The following BRIP1 variants were observed in gnomAD, a reference collection of about 807,000 sequenced individuals.
BRIP1 encodes Fanconi anemia group J protein.
In BRIP1, 88 loss-of-function variants were observed where a neutral mutation model predicts 119.7. The observed-to-expected ratio is 0.74, with a 90% CI of 0.62 to 0.88. BRIP1 has a LOEUF of 0.88. BRIP1 is among the 40% of genes least tolerant of loss of function. BRIP1 has a pLI of 0.00. For synonymous variants in BRIP1, 443 were observed against 496.5 expected, an observed-to-expected ratio of 0.89 and a Z score of 1.43; for missense variants, 1,259 against 1,455.4, an observed-to-expected ratio of 0.87 and a Z score of 2.20.
At position 61,796,478 on chromosome 17, in the gene BRIP1, T is replaced by C. The variant is rs2077901413; in HGVS notation, c.1340+2622A>G. 6.6e-6 allele frequency among the ~76,000 whole-genome samples: 1 copy of C among 152,070 alleles called. No homozygotes were observed. The highest frequency in any genetic ancestry group is 2.4e-5 in the African/African-American group (1 of 41,422). ...TGTTTTATTCTCCTGTAGATGGATA[T>C]CCAGTTTTCCCGGCACCATTTATTG... is the stretch of plus-strand genomic sequence containing the variant. On this transcript the variant is annotated intron_variant, in intron 9 of 19. Transcript: ENST00000259008. This position sits in a 1 kb window ranked among gnomAD's most constrained non-coding sequence, Gnocchi z 4.8.
chr17:61,683,172 T>G lies in BRIP1; in HGVS notation c.*124A>C. 8.5e-7 allele frequency: 1 copy of G among 1,179,940 alleles called. No individual in the cohort carries two copies. Among genetic ancestry groups the G allele is most frequent in the Non-Finnish European group, 1.2e-6 (1 of 834,726 alleles). 73.1% of individuals were successfully genotyped at this position (1,179,940 alleles called of 1,614,324 possible). A position where few individuals can be genotyped will look rare whatever the true frequency, so the allele number is the denominator to read the frequency against. On this transcript the variant is annotated 3_prime_UTR_variant, in exon 20 of 20. Transcript: ENST00000259008. The surrounding 1 kb of genome is among the most constrained non-coding windows in gnomAD (Gnocchi z 4.7). ...AAACTCAAGAATAATAACATTTACA[T>G]TTCTGAACATAAAATAGTTTTTTAA...
rs934033835 is a variant in BRIP1, at chr17:61,769,599, G to A, written c.2097+6802C>T. On this transcript the variant is annotated intron_variant, in intron 14 of 19. Transcript: ENST00000259008. The surrounding 1 kb of genome is among the most constrained non-coding windows in gnomAD (Gnocchi z 4.9). Reference sequence around the variant, plus strand: ...AAATTTATTTTTGCCAATTTTATTGGACTTCTGATTTCAGCTCCAATATGT... The same window carrying A: ...AAATTTATTTTTGCCAATTTTATTGAACTTCTGATTTCAGCTCCAATATGT... Among the ~76,000 whole-genome samples, 2 of 152,024 alleles carry A rather than the reference G, an allele frequency of 1.3e-5. No individual in the cohort carries two copies. Among genetic ancestry groups the A allele is most frequent in the African/African-American group, 4.8e-5 (2 of 41,400 alleles).
chr17:61,765,906 CCTA>C (rs1041736904), intron 14 of BRIP1, among the ~76,000 whole-genome samples: 5 of 151,636 alleles, frequency 3.3e-5, no homozygotes, highest in Admixed American at 6.6e-5. Context: ...TTCCAACTGC[CCTA>C]CTATTTTCAT....
chr17:61,849,157 C>G lies in BRIP1; in HGVS notation c.479G>C (p.Arg160Thr), dbSNP rs1330277587. ...CTGTGTAGTTTCTAAGGGTCGAATT[C>G]TTTTCTTCTCTACTTGAAAATCATC... The part of the protein sequence containing the change: ...ENDDFQVEKK[R>T]IRPLETTQQI... The change falls in exon 5 of 20, where the codon AGA becomes ACA. Residue 160 changes from arginine (R) to threonine (T), a missense_variant. Physicochemically the swap from Arg to Thr is moderately conservative, Grantham distance 71. Coordinates refer to ENST00000259008, the MANE Select transcript of BRIP1 (RefSeq NM_032043.3). 1 of 1,613,466 alleles carries G rather than the reference C, an allele frequency of 6.2e-7. No individual in the cohort carries two copies. Among genetic ancestry groups the G allele is most frequent in the East Asian group, 2.2e-5 (1 of 44,774 alleles).
chr17:61,793,723 T>C lies in BRIP1; in HGVS notation c.1347A>G (p.Leu449=). The part of the protein sequence containing the change: ...RAVCCSLINW[L]EANAEYLVER... ...CTACAAGATATTCAGCGTTTGCTTC[T>C]AACCAACTGAAATAAAATAAAACAA... is the stretch of plus-strand genomic sequence containing the variant. The change falls in exon 10 of 20, where the codon TTA becomes TTG. Residue 449 remains leucine (L), a synonymous_variant. Transcript: ENST00000259008. This position sits in a 1 kb window ranked among gnomAD's most constrained non-coding sequence, Gnocchi z 5.2. The C allele has an allele frequency of 6.2e-7, 1 of 1,609,826 alleles. No homozygotes were observed. The highest frequency in any genetic ancestry group is 8.5e-7 in the Non-Finnish European group (1 of 1,178,610).
chr17:61,683,522 GT>G lies in BRIP1; in HGVS notation c.3523del (p.Thr1175LeufsTer2). The G allele has an allele frequency of 6.2e-7, 1 of 1,613,384 alleles. No homozygotes were observed. The highest frequency in any genetic ancestry group is 8.5e-7 in the Non-Finnish European group (1 of 1,179,912). On this transcript the variant is annotated frameshift_variant, in exon 20 of 20. Transcript: ENST00000259008. LOFTEE classifies it low-confidence loss of function (END_TRUNC). This position sits in a 1 kb window ranked among gnomAD's most constrained non-coding sequence, Gnocchi z 4.7. The stretch of plus-strand genomic sequence containing the variant: ...TCTGGCTGAATCTACTTCTTTTATA[GT>G]TCTAATTTCAAAAAGGTCTTTAGCT... Reference protein sequence around the residue: ...ILAKDLFEIRTIKEVDSAREV... With the variant: ...ILAKDLFEIRXIKEVDSAREV...
At position 61,717,300 on chromosome 17, in the gene BRIP1, G is replaced by A. The variant is rs991706230; in HGVS notation, c.2380-1237C>T. 7.9e-5 allele frequency among the ~76,000 whole-genome samples: 12 copies of A among 151,972 alleles called. No homozygotes were observed. Among genetic ancestry groups the A allele is most frequent in the East Asian group, 1.9e-4 (1 of 5,192 alleles). On this transcript the variant is annotated intron_variant, in intron 16 of 19. Coordinates refer to ENST00000259008, the MANE Select transcript of BRIP1 (RefSeq NM_032043.3). The surrounding 1 kb of genome is among the most constrained non-coding windows in gnomAD (Gnocchi z 4.1). ...AAAAGATTATCTTTTAAAATATACC[G>A]TATTTACCCACAGATTTACCATTTC...
In BRIP1 at chr17:61,693,575, G is replaced by A. The variant is rs2144189374; in HGVS notation, c.2493-63C>T. 1.5e-6 allele frequency: 2 copies of A among 1,372,298 alleles called. No individual in the cohort carries two copies. Among genetic ancestry groups the A allele is most frequent in the Non-Finnish European group, 2.1e-6 (2 of 965,334 alleles). The allele number at this position is 1,372,298 out of a possible 1,614,324, so 85.0% of individuals were successfully genotyped here. On this transcript the variant is annotated intron_variant, in intron 17 of 19. Coordinates refer to ENST00000259008, the MANE Select transcript of BRIP1 (RefSeq NM_032043.3). The surrounding 1 kb of genome is among the most constrained non-coding windows in gnomAD (Gnocchi z 4.2). ...TCGGAAATAAATCCAGTTTTCCAGT[G>A]GGACAGACAGAAAATTGGAAAAAAA...
Position 61,856,967 on chromosome 17 carries a change from C to T in BRIP1, c.379+91G>A. On this transcript the variant is annotated intron_variant, in intron 4 of 19. Coordinates refer to ENST00000259008, the MANE Select transcript of BRIP1 (RefSeq NM_032043.3). The surrounding 1 kb of genome is among the most constrained non-coding windows in gnomAD (Gnocchi z 5.1). ...AGATAGAGATATATAATCAGTTATG[C>T]TAACCAAACTTATATAAATTAGGGC... 1 of 1,299,822 alleles carries T rather than the reference C, an allele frequency of 7.7e-7. No individual in the cohort carries two copies. The highest frequency in any genetic ancestry group is 1.2e-5 in the South Asian group (1 of 84,108). 80.5% of individuals were successfully genotyped at this position (1,299,822 alleles called of 1,614,324 possible). A position where few individuals can be genotyped will look rare whatever the true frequency, so the allele number is the denominator to read the frequency against.
intron 17 of BRIP1, among the ~76,000 whole-genome samples, chr17:61,694,829 T>C (rs2061498928): frequency 6.6e-6 from 1 of 151,894 alleles, no homozygotes; most frequent in East Asian, 1.9e-4. Context: ...TATCCTTTTT[T>C]GGAGAAGTCT....
At position 61,746,188 on chromosome 17, in the gene BRIP1, A is replaced by G. The variant is rs1336668819; in HGVS notation, c.2098-1597T>C. On this transcript the variant is annotated intron_variant, in intron 14 of 19. Coordinates refer to ENST00000259008, the MANE Select transcript of BRIP1 (RefSeq NM_032043.3). The surrounding 1 kb of genome is among the most constrained non-coding windows in gnomAD (Gnocchi z 4.9). Reference sequence around the variant, plus strand: ...TAGTAAAATAGTTAACTGCTGTACAATATGCTTTAATTAAATAGGAAGAAC... The same window carrying G: ...TAGTAAAATAGTTAACTGCTGTACAGTATGCTTTAATTAAATAGGAAGAAC... Among the ~76,000 whole-genome samples, 2 of 152,200 alleles carry G rather than the reference A, an allele frequency of 1.3e-5. No homozygotes were observed. Among genetic ancestry groups the G allele is most frequent in the African/African-American group, 4.8e-5 (2 of 41,468 alleles).
rs1484805033 is a variant in BRIP1 at position 61,682,074 on chromosome 17, C to A, written c.*1222G>T. On this transcript the variant is annotated 3_prime_UTR_variant, in exon 20 of 20. Transcript: ENST00000259008. The surrounding 1 kb of genome is among the most constrained non-coding windows in gnomAD (Gnocchi z 4.9). ...TCATTTTTGATTAGACATATAGCTT[C>A]ATTCACAAAAACACAAACAAGGTCA... The A allele has an allele frequency of 2.0e-5, 4 of 204,190 alleles. No homozygotes were observed. Among genetic ancestry groups the A allele is most frequent in the Admixed American group, 6.0e-5 (1 of 16,718 alleles). 12.6% of individuals were successfully genotyped at this position (204,190 alleles called of 1,614,324 possible). A position where few individuals can be genotyped will look rare whatever the true frequency, so the allele number is the denominator to read the frequency against.
chr17:61,808,434 A>T lies in BRIP1; in HGVS notation c.918+33T>A, dbSNP rs759826219. 2.5e-6 allele frequency: 4 copies of T among 1,576,482 alleles called. No individual in the cohort carries two copies. The East Asian group carries it at 9.0e-5, about 35-fold the overall frequency. ...GAGTAATTTAAATATTTTCAGCCTT[A>T]TTTTTTCTCTAACACAAAATAACTT... On this transcript the variant is annotated intron_variant, in intron 7 of 19. Transcript: ENST00000259008. The surrounding 1 kb of genome is among the most constrained non-coding windows in gnomAD (Gnocchi z 4.1).
At chr17:61,835,214 A>T (rs978328377) in intron 6 of BRIP1, among the ~76,000 whole-genome samples, 2 of 152,228 alleles carry the variant, frequency 1.3e-5, no homozygotes, top group African/African-American at 4.8e-5. Context: ...CTAAATATTG[A>T]AAGTCTAAAA....
intron 17 of BRIP1, among the ~76,000 whole-genome samples, chr17:61,715,201 C>CAAT (rs576020293): frequency 2.9e-4 from 44 of 149,892 alleles, no homozygotes; most frequent in South Asian, 4.2e-4. Flanking sequence ...CTGTCTAAAA[C>CAAT]AATAATAATA....
intron 10 of BRIP1, among the ~76,000 whole-genome samples, chr17:61,788,954 G>T (rs2077774502): frequency 6.6e-6 from 1 of 152,108 alleles, no homozygotes; most frequent in South Asian, 2.1e-4. Flanking sequence ...AAATGAGCCA[G>T]GTGTGGTGGC....
chr17:61,787,793 C>T (rs1177038297), intron 10 of BRIP1, among the ~76,000 whole-genome samples: 6 of 152,038 alleles, frequency 3.9e-5, no homozygotes, highest in South Asian at 4.1e-4. Context: ...TACAGGCGCC[C>T]GCCACCACGC....
chr17:61,855,306 G>C (rs1397399756), intron 4 of BRIP1, among the ~76,000 whole-genome samples: 1 of 152,150 alleles, frequency 6.6e-6, no homozygotes, highest in Non-Finnish European at 1.5e-5. Flanking sequence ...GGCTGGGCGT[G>C]GTCGCTCACG....
At position 61,849,132 on chromosome 17, in the gene BRIP1, C is replaced by T. The variant is rs1064795698; in HGVS notation, c.504G>A (p.Gln168=). 2 of 1,613,542 alleles carry T rather than the reference C, an allele frequency of 1.2e-6. No individual in the cohort carries two copies. The highest frequency in any genetic ancestry group is 1.7e-6 in the Non-Finnish European group (2 of 1,179,674). ...KKRIRPLETT[Q]QIRKRHCFGT... ...ACTGCCAATAAACTCTGTTTACCTGCTGTGTAGTTTCTAAGGGTCGAATTC... is the reference window on the plus strand; with the variant it reads ...ACTGCCAATAAACTCTGTTTACCTGTTGTGTAGTTTCTAAGGGTCGAATTC... Residue 168 remains glutamine, a synonymous_variant, in exon 5 of 20, where the codon CAG becomes CAA. Transcript: ENST00000259008.
Sources: gnomAD v4.1 joint callset for allele counts (sites outside exome capture counted in the v4.1 genomes callset) on GRCh38, gnomAD v4.1.1 for gene constraint, Gnocchi (gnomAD v3.1) non-coding constraint, MANE v1.5 for transcripts, NCBI Gene and HGNC (gene_info 2026-07-23, HGNC 2026-07-21) for gene names.